RECK: variants seen among roughly 807,000 people sequenced by gnomAD.
RECK encodes the protein reversion-inducing cysteine-rich protein with Kazal motifs.
Under a neutral mutation model 115.1 loss-of-function variants are expected in RECK, and 69 were observed. The ratio of observed to expected loss-of-function variants is 0.60; its 90% CI spans 0.49 to 0.73. The LOEUF is 0.73. Ranked by LOEUF, RECK falls within the 30% of genes least tolerant of loss-of-function variation. The probability of loss-of-function intolerance (pLI) is 0.00; values close to 1 mark genes in which losing one functional copy is unlikely to be tolerated. For synonymous variants in RECK, 414 were observed against 419.7 expected, an observed-to-expected ratio of 0.99 and a Z score of 0.17; for missense variants, 1,047 against 1,203.7, an observed-to-expected ratio of 0.87 and a Z score of 1.93.
intron 6 of RECK, among the ~76,000 whole-genome samples, chr9:36,072,085 A>C (rs772606247): frequency 2.0e-4 from 31 of 152,188 alleles, no homozygotes; most frequent in Non-Finnish European, 4.0e-4. Context: ...CACAAATGGT[A>C]GTTTACTATA....
At chr9:36,105,582 T>A (rs1322048571) in intron 13 of RECK, among the ~76,000 whole-genome samples, 1 of 152,242 alleles carries the variant, frequency 6.6e-6, no homozygotes, top group Admixed American at 6.5e-5. Flanking sequence ...GTTGCAGGGT[T>A]CTAGACTATG....
intron 10 of RECK, 105 bp downstream of exon 10, chr9:36,091,448 T>A: frequency 2.2e-6 from 2 of 893,526 alleles, no homozygotes; most frequent in Non-Finnish European, 3.2e-6. Flanking sequence ...TAAAAGAAAG[T>A]CTTCTTTATG....
At position 36,123,314 on chromosome 9, in the gene RECK, C is replaced by A. The variant is rs1824530990; in HGVS notation, c.*269C>A. ...TGCCATATGATTTACATTTCCTCAC[C>A]ATAAGGGTCCCCCACTCTAAAGCAA... is the stretch of plus-strand genomic sequence containing the variant. On this transcript the variant is annotated 3_prime_UTR_variant, in exon 21 of 21. Coordinates refer to ENST00000377966, the MANE Select transcript of RECK (RefSeq NM_021111.3). 2.8e-6 allele frequency: 1 copy of A among 363,108 alleles called. No individual in the cohort carries two copies. The highest frequency in any genetic ancestry group is 5.0e-6 in the Non-Finnish European group (1 of 201,312). The allele number at this position is 363,108 out of a possible 1,614,324, so 22.5% of individuals were successfully genotyped here. A position where few individuals can be genotyped will look rare whatever the true frequency, so the allele number is the denominator to read the frequency against.
intron 6 of RECK, among the ~76,000 whole-genome samples, chr9:36,073,808 T>C (rs1367817413): frequency 1.3e-5 from 2 of 152,190 alleles, no homozygotes; most frequent in African/African-American, 4.8e-5. Context: ...GTTGTAGTTG[T>C]ACAAATTGTT....
intron 16 of RECK, among the ~76,000 whole-genome samples, chr9:36,114,537 C>A (rs1361371726): frequency 6.6e-6 from 1 of 152,194 alleles, no homozygotes; most frequent in Non-Finnish European, 1.5e-5. Context: ...CATATAAATG[C>A]TTATCCTTAC....
At chr9:36,099,169 T>C (rs1823467803) in intron 10 of RECK, among the ~76,000 whole-genome samples, 1 of 151,976 alleles carries the variant, frequency 6.6e-6, no homozygotes, top group South Asian at 2.1e-4. Context: ...GAGGCTGCAG[T>C]GAGCTGTGAT....
At position 36,112,425 on chromosome 9, in the gene RECK, C is replaced by T. The variant is rs758891260; in HGVS notation, c.2009C>T (p.Ser670Leu). Residue 670 changes from serine (S) to leucine (L), a missense_variant, in exon 16 of 21, where the codon TCA (serine) becomes TTA (leucine). Ser to Leu is a moderately radical substitution (Grantham distance 145). Transcript: ENST00000377966. The part of the protein sequence containing the change: ...GLQDHQFEFG[S>L]CMSKDPCNPN... ...CAAGACCATCAGTTTGAGTTTGGAT[C>T]ATGCATGTCAAAGGATCCATGTAAT... 47 of 1,613,936 alleles carry T rather than the reference C, an allele frequency of 2.9e-5. No homozygotes were observed. In the South Asian group the frequency reaches 5.2e-4, roughly 18 times the overall value.
chr9:36,088,605 A>G (rs900117604), intron 9 of RECK, among the ~76,000 whole-genome samples: 7 of 152,266 alleles, frequency 4.6e-5, no homozygotes, highest in African/African-American at 7.2e-5. Flanking sequence ...AATATAAGAT[A>G]CCAGGCGTAA....
At chr9:36,103,391 T>G (rs1823637609) in intron 12 of RECK, among the ~76,000 whole-genome samples, 1 of 152,232 alleles carries the variant, frequency 6.6e-6, no homozygotes, top group Non-Finnish European at 1.5e-5. Flanking sequence ...GCATTTAGCT[T>G]CAGTCATCAA....
intron 6 of RECK, among the ~76,000 whole-genome samples, chr9:36,075,402 C>T (rs1822411909): frequency 6.6e-6 from 1 of 152,134 alleles, no homozygotes; most frequent in South Asian, 2.1e-4. Flanking sequence ...ACCTATAAAG[C>T]TCATTTCTGT....
chr9:36,090,395 A>G (rs1355051128), intron 9 of RECK, among the ~76,000 whole-genome samples: 2 of 152,158 alleles, frequency 1.3e-5, no homozygotes, highest in African/African-American at 4.8e-5. Context: ...AAAAGTAAAG[A>G]TATCTTTGTC....
chr9:36,083,286 T>G, intron 7 of RECK, 79 bp from the exon 8 acceptor site: 1 of 1,393,194 alleles, frequency 7.2e-7, no homozygotes, highest in Non-Finnish European at 1.0e-6. Context: ...AAAGACATAT[T>G]GTTCCATCAT....
At chr9:36,120,401 A>T (rs903864388) in intron 18 of RECK, among the ~76,000 whole-genome samples, 2 of 152,170 alleles carry the variant, frequency 1.3e-5, no homozygotes, top group African/African-American at 4.8e-5. Context: ...TTGAAAAGCC[A>T]GCTGTCTCTA....
chr9:36,060,675 C>T (rs1229853998), intron 4 of RECK, among the ~76,000 whole-genome samples: 3 of 152,020 alleles, frequency 2.0e-5, no homozygotes, highest in Non-Finnish European at 4.4e-5. Flanking sequence ...CAGATGGAGC[C>T]GTAAGGACTA....
In RECK at chr9:36,121,980, A is replaced by T. The variant is rs535454008; in HGVS notation, c.2694+292A>T. Among the ~76,000 whole-genome samples the T allele has an allele frequency of 4.4e-4, 67 of 152,296 alleles. 2 individuals carry two copies. The South Asian group carries it at 0.013, about 30-fold the overall frequency. On this transcript the variant is annotated intron_variant, in intron 20 of 20. Transcript: ENST00000377966. Reference sequence around the variant, plus strand: ...GTGCACAGCTGGAAGGGGTCCGAGAAATCACTGTCTCTAATCCACCCATTG... The same window carrying T: ...GTGCACAGCTGGAAGGGGTCCGAGATATCACTGTCTCTAATCCACCCATTG...
chr9:36,112,596 T>A (rs1294719910), intron 16 of RECK, 120 bp downstream of exon 16: 2 of 1,093,408 alleles, frequency 1.8e-6, no homozygotes, highest in African/African-American at 3.2e-5. Context: ...CCTGAAGAGT[T>A]TGGAGTCTGG....
At chr9:36,073,418 CTG>C (rs1447422179) in intron 6 of RECK, among the ~76,000 whole-genome samples, 1 of 152,090 alleles carries the variant, frequency 6.6e-6, no homozygotes, top group Non-Finnish European at 1.5e-5. Flanking sequence ...CTGCAAATTA[CTG>C]TCTCTCAAGC....
At chr9:36,042,260 C>A (rs1820897413) in intron 1 of RECK, among the ~76,000 whole-genome samples, 1 of 151,966 alleles carries the variant, frequency 6.6e-6, no homozygotes, top group Non-Finnish European at 1.5e-5. Flanking sequence ...TGTTCTTATG[C>A]CTTTGTGTCC....
chr9:36,119,809 G>A (rs1824390359), intron 18 of RECK, among the ~76,000 whole-genome samples: 2 of 152,178 alleles, frequency 1.3e-5, no homozygotes, highest in African/African-American at 4.8e-5. Context: ...AAGGGGAATC[G>A]GAGGGGCCCA....
Sources: allele counts gnomAD v4.1 joint callset (sites outside exome capture counted in the v4.1 genomes callset), GRCh38; gene constraint gnomAD v4.1.1; transcripts MANE v1.5; gene names NCBI Gene and HGNC (gene_info 2026-07-23, HGNC 2026-07-21).